The following ZFAND6 variants were observed in gnomAD, a reference collection of about 807,000 sequenced individuals.
The protein encoded by ZFAND6 is AN1-type zinc finger protein 6.
ZFAND6 carries 12 observed loss-of-function variants against 24.5 expected under a neutral mutation model. That is an observed-to-expected ratio of 0.49 (90% CI 0.31 to 0.79). The LOEUF (loss-of-function observed/expected upper bound fraction) is 0.79. Among genes scored for constraint, ZFAND6 ranks in the 30% least tolerant of loss-of-function variants. The probability of loss-of-function intolerance (pLI) is 0.04; values close to 1 mark genes in which losing one functional copy is unlikely to be tolerated. For synonymous variants in ZFAND6, 92 were observed against 81.5 expected (o/e 1.13, Z -0.69); for missense variants, 207 against 245.9 (o/e 0.84, Z 1.06).
rs114378753 is a variant in ZFAND6 at position 80,103,291 on chromosome 15, A to G, written c.-18+4713A>G. 6.1e-3 allele frequency among the ~76,000 whole-genome samples: 932 copies of G among 152,330 alleles called. 8 individuals carry two copies. The highest frequency in any genetic ancestry group is 0.021 in the African/African-American group (864 of 41,574). ...ATATAAAGTGCTTAGCCCAGGGCCTAGTACATAATAGTGAGTAGACATTTT... is the reference window on the plus strand; with the variant it reads ...ATATAAAGTGCTTAGCCCAGGGCCTGGTACATAATAGTGAGTAGACATTTT... On this transcript the variant is annotated intron_variant, in intron 2 of 6. Coordinates refer to ENST00000261749, the MANE Select transcript of ZFAND6 (RefSeq NM_019006.4).
chr15:80,136,651 GT>G (rs2040879377), intron 6 of ZFAND6, among the ~76,000 whole-genome samples: 1 of 152,108 alleles, frequency 6.6e-6, no homozygotes, highest in African/African-American at 2.4e-5. Flanking sequence ...GGCAATGGAG[GT>G]TAACATCAAA....
At position 80,137,387 on chromosome 15, in the gene ZFAND6, G is replaced by T. The variant is rs528362822; in HGVS notation, c.479-93G>T. 65 of 1,374,690 alleles carry T rather than the reference G, an allele frequency of 4.7e-5. 1 individual carries two copies. The African/African-American group carries it at 9.8e-4, about 21-fold the overall frequency. 85.2% of individuals were successfully genotyped at this position (1,374,690 alleles called of 1,614,324 possible). Reference sequence around the variant, plus strand: ...GAATGATTCTTTAGTTTACATTGCTGCCCTAAATATATTGTGCTGTTCAGT... The same window carrying T: ...GAATGATTCTTTAGTTTACATTGCTTCCCTAAATATATTGTGCTGTTCAGT... On this transcript the variant is annotated intron_variant, in intron 6 of 6. Coordinates refer to ENST00000261749, the MANE Select transcript of ZFAND6 (RefSeq NM_019006.4).
At chr15:80,105,655 T>TTAGA (rs1468603726) in intron 2 of ZFAND6, among the ~76,000 whole-genome samples, 3 of 152,340 alleles carry the variant, frequency 2.0e-5, no homozygotes, top group African/African-American at 7.2e-5. Context: ...GGCTAAGCAC[T>TTAGA]TATCTAAGTA....
chr15:80,092,254 A>G (rs1292917706), intron 1 of ZFAND6, among the ~76,000 whole-genome samples: 1 of 151,394 alleles, frequency 6.6e-6, no homozygotes, highest in Admixed American at 6.6e-5. Context: ...TCAGGGATCA[A>G]GGTGGGTGGA....
chr15:80,077,526 G>A lies in ZFAND6; in HGVS notation c.-181+17717G>A, dbSNP rs113100825. On this transcript the variant is annotated intron_variant, in intron 1 of 6. Coordinates refer to ENST00000261749, the MANE Select transcript of ZFAND6 (RefSeq NM_019006.4). ...TCATAGCTTTGAAAGCAACTTGGTGGTAAAGGAAAAAGGTCAAATTGATGA... is the reference window on the plus strand; with the variant it reads ...TCATAGCTTTGAAAGCAACTTGGTGATAAAGGAAAAAGGTCAAATTGATGA... 8.7e-3 allele frequency among the ~76,000 whole-genome samples: 1,331 copies of A among 152,142 alleles called. 23 individuals carry two copies. The highest frequency in any genetic ancestry group is 0.03 in the African/African-American group (1,262 of 41,508).
intron 3 of ZFAND6, 96 bp from the exon 4 acceptor site, chr15:80,121,616 C>T: frequency 1.0e-6 from 1 of 983,370 alleles, no homozygotes; most frequent in Non-Finnish European, 1.5e-6. Context: ...AACCTCTATA[C>T]TGTGTTCTGT....
chr15:80,073,403 T>G (rs2866367), intron 1 of ZFAND6: 127,492 of 225,526 alleles, frequency 0.57, 39,110 homozygotes, highest in Non-Finnish European at 0.67. Context: ...AATTGTAGTG[T>G]ATTTCAGTAC....
At chr15:80,134,211 A>G (rs1448922121) in intron 6 of ZFAND6, among the ~76,000 whole-genome samples, 1 of 152,102 alleles carries the variant, frequency 6.6e-6, no homozygotes, top group Non-Finnish European at 1.5e-5. Context: ...GCTGGTCCCA[A>G]ACTCCTGATC....
In ZFAND6 at chr15:80,077,697, C is replaced by CTTTTTTT. The variant is rs11441423; in HGVS notation, c.-181+17901_-181+17907dup. ...GTAAGAATAGGAGTGAGTTTTCTTT[C>CTTTTTTT]TTTTTTTTTTTTTTTTTTTGGAGAC... is the stretch of plus-strand genomic sequence containing the variant. On this transcript the variant is annotated intron_variant, in intron 1 of 6. Coordinates refer to ENST00000261749, the MANE Select transcript of ZFAND6 (RefSeq NM_019006.4). Among the ~76,000 whole-genome samples, 80 of 115,264 alleles carry CTTTTTTT rather than the reference C, an allele frequency of 6.9e-4. 3 individuals are homozygous for CTTTTTTT. Among genetic ancestry groups the CTTTTTTT allele is most frequent in the Non-Finnish European group, 1.0e-3 (59 of 58,434 alleles). The allele number at this position is 115,264 out of a possible 152,430, so 75.6% of individuals were successfully genotyped here.
intron 1 of ZFAND6, among the ~76,000 whole-genome samples, chr15:80,061,430 A>G (rs1275038470): frequency 6.6e-6 from 1 of 152,230 alleles, no homozygotes; most frequent in Non-Finnish European, 1.5e-5. Flanking sequence ...TAAAAACATC[A>G]TAAATCCTTG....
intron 5 of ZFAND6, among the ~76,000 whole-genome samples, chr15:80,129,412 G>A (rs1031712496): frequency 2.6e-5 from 4 of 152,084 alleles, no homozygotes; most frequent in African/African-American, 9.7e-5. Context: ...AGATAATGAT[G>A]GTAGCATAAG....
intron 1 of ZFAND6, among the ~76,000 whole-genome samples, chr15:80,063,075 T>G (rs1231403363): frequency 2.6e-5 from 4 of 152,212 alleles, no homozygotes; most frequent in Non-Finnish European, 5.9e-5. Flanking sequence ...AACCTCCCAG[T>G]AGCTTTTCAA....
At chr15:80,061,673 T>A (rs1189801598) in intron 1 of ZFAND6, among the ~76,000 whole-genome samples, 1 of 152,238 alleles carries the variant, frequency 6.6e-6, no homozygotes, top group Non-Finnish European at 1.5e-5. Context: ...TATGTTAATC[T>A]GCCATAACTT....
chr15:80,105,356 C>T (rs2039266890), intron 2 of ZFAND6, among the ~76,000 whole-genome samples: 1 of 152,142 alleles, frequency 6.6e-6, no homozygotes, highest in Non-Finnish European at 1.5e-5. Context: ...TGATTACTGT[C>T]TCTGTGGCAA....
At chr15:80,135,264 A>G (rs980221398) in intron 6 of ZFAND6, among the ~76,000 whole-genome samples, 1 of 152,232 alleles carries the variant, frequency 6.6e-6, no homozygotes, top group Admixed American at 6.5e-5. Context: ...TTAATAATAT[A>G]CAAACATACA....
chr15:80,080,747 T>G (rs1456709695), intron 1 of ZFAND6, among the ~76,000 whole-genome samples: 1 of 152,216 alleles, frequency 6.6e-6, no homozygotes, highest in African/African-American at 2.4e-5. Flanking sequence ...CAGCTTGTGA[T>G]CATGCCTCAG....
intron 1 of ZFAND6, among the ~76,000 whole-genome samples, chr15:80,095,620 A>G (rs1416835250): frequency 1.3e-5 from 2 of 152,218 alleles, no homozygotes; most frequent in African/African-American, 4.8e-5. Flanking sequence ...GGGTTTAGGT[A>G]TTTAATTGTA....
At chr15:80,060,018 G>A (rs1406551080) in intron 1 of ZFAND6, 2 of 151,522 alleles carry the variant, frequency 1.3e-5, no homozygotes, top group Non-Finnish European at 2.9e-5. Flanking sequence ...GGCTCCGGGG[G>A]TGGGGGCCGG....
chr15:80,132,413 A>G (rs778609032), intron 6 of ZFAND6, among the ~76,000 whole-genome samples: 6 of 152,226 alleles, frequency 3.9e-5, no homozygotes, highest in Non-Finnish European at 8.8e-5. Context: ...CAATATGCAG[A>G]TCATACATGA....
Sources: allele counts gnomAD v4.1 joint callset (sites outside exome capture counted in the v4.1 genomes callset), GRCh38; gene constraint gnomAD v4.1.1; transcripts MANE v1.5; gene names NCBI Gene and HGNC (gene_info 2026-07-23, HGNC 2026-07-21).